The following DPH6 variants were observed in gnomAD, a reference collection of about 807,000 sequenced individuals.
DPH6 encodes the protein diphthine--ammonia ligase.
Under a neutral mutation model 38.2 loss-of-function variants are expected in DPH6, and 33 were observed. The observed-to-expected ratio is 0.86, with a 90% CI of 0.65 to 1.15. The LOEUF (loss-of-function observed/expected upper bound fraction) is 1.15. Among genes scored for constraint, DPH6 ranks in the 50% most tolerant of loss-of-function variants. The probability of loss-of-function intolerance (pLI) is 0.00; values close to 1 mark genes in which losing one functional copy is unlikely to be tolerated. For synonymous variants in DPH6, 108 were observed against 103.0 expected (o/e 1.05, Z -0.30); for missense variants, 325 against 320.0 (o/e 1.02, Z -0.12).
At chr15:35,322,316 T>C (rs2052247598) in intron 3 of DPH6, among the ~76,000 whole-genome samples, 1 of 152,152 alleles carries the variant, frequency 6.6e-6, no homozygotes, top group Non-Finnish European at 1.5e-5. Context: ...TTTTGGACTC[T>C]AAGCAAGGGG....
At chr15:35,231,177 G>A (rs167615) in intron 3 of DPH6, among the ~76,000 whole-genome samples, 144,223 of 152,338 alleles carry the variant, frequency 0.95, 68,417 homozygotes, top group East Asian at 1. Flanking sequence ...GCAGGAATTG[G>A]AGTTCCCATC....
At chr15:35,498,605 G>GATGGGA (rs1162865967) in intron 3 of DPH6, among the ~76,000 whole-genome samples, 1 of 152,104 alleles carries the variant, frequency 6.6e-6, no homozygotes, top group African/African-American at 2.4e-5. Context: ...CGTCCTTGTT[G>GATGGGA]ATGGGAATGG....
intron 6 of DPH6, among the ~76,000 whole-genome samples, chr15:35,388,607 A>C (rs1021135524): frequency 3.3e-5 from 5 of 152,202 alleles, no homozygotes; most frequent in African/African-American, 1.2e-4. Flanking sequence ...CATTTCTTCT[A>C]GATTTTCTAG....
Position 35,473,462 on chromosome 15 carries a change from TCTC to T in DPH6, c.313-18645_313-18643del, listed in dbSNP as rs1212290547. Among the ~76,000 whole-genome samples, 3 of 134,048 alleles carry T rather than the reference TCTC, an allele frequency of 2.2e-5. No individual in the cohort carries two copies. The East Asian group carries it at 6.8e-4, about 30-fold the overall frequency. The allele number at this position is 134,048 out of a possible 152,430, so 87.9% of individuals were successfully genotyped here. On this transcript the variant is annotated intron_variant, in intron 3 of 8. Coordinates refer to ENST00000256538, the MANE Select transcript of DPH6 (RefSeq NM_080650.4). ...TATGTTAAAACCTATCCAGCTTCAT[TCTC>T]CTCTTCAAAAAACTGCCCAATTATC...
chr15:35,168,724 G>A, the DPH6 span, among the ~76,000 whole-genome samples: 106,021 of 151,896 alleles, frequency 0.7, 37,669 homozygotes, highest in Middle Eastern at 0.78. Context: ...ATATGAGACC[G>A]TGGAATGTCA....
At chr15:35,198,469 T>G in the DPH6 span, among the ~76,000 whole-genome samples, 2 of 152,232 alleles carry the variant, frequency 1.3e-5, no homozygotes, top group East Asian at 3.9e-4. Flanking sequence ...GGTGGAATCC[T>G]TGCTTAAAGG....
intron 4 of DPH6, among the ~76,000 whole-genome samples, chr15:35,451,871 A>G (rs113392717): frequency 0.13 from 19,925 of 152,128 alleles, 1,474 homozygotes; most frequent in Middle Eastern, 0.2. Context: ...TTAGCCAGGC[A>G]TGGTGGCGGG....
intron 5 of DPH6, 24 bp downstream of exon 5, chr15:35,450,661 T>C: frequency 6.3e-7 from 1 of 1,579,740 alleles, no homozygotes; most frequent in Non-Finnish European, 8.7e-7. Flanking sequence ...AACAAACAGC[T>C]CCCTTGATAG....
At chr15:35,545,979 C>T in intron 1 of DPH6, 140 bp downstream of exon 1, 1 of 785,574 alleles carries the variant, frequency 1.3e-6, no homozygotes, top group Non-Finnish European at 1.7e-6. Context: ...AAGGCTCCGC[C>T]TCTTCCTGTG....
intron 2 of DPH6, among the ~76,000 whole-genome samples, chr15:35,539,418 T>C (rs1433034586): frequency 6.6e-6 from 1 of 151,948 alleles, no homozygotes; most frequent in Non-Finnish European, 1.5e-5. Context: ...GATAAAAAGA[T>C]TTAAGGTTAA....
intron 3 of DPH6, among the ~76,000 whole-genome samples, chr15:35,475,094 G>C (rs2141135734): frequency 6.6e-6 from 1 of 151,934 alleles, no homozygotes; most frequent in East Asian, 1.9e-4. Context: ...ACCTAGTAAA[G>C]TATATTTAAT....
At chr15:35,450,632 C>T in intron 5 of DPH6, 53 bp downstream of exon 5, 1 of 1,392,566 alleles carries the variant, frequency 7.2e-7, no homozygotes, top group Non-Finnish European at 1.0e-6. Context: ...TATTAGTGAA[C>T]TGAGATCATC....
At chr15:35,242,270 C>G (rs1463542765) in intron 3 of DPH6, among the ~76,000 whole-genome samples, 1 of 143,084 alleles carries the variant, frequency 7.0e-6, no homozygotes, top group Non-Finnish European at 1.5e-5. Flanking sequence ...TCTCCCAAAC[C>G]TCAATCCCTT....
chr15:35,229,037 G>T (rs7166068), intron 3 of DPH6, among the ~76,000 whole-genome samples: 1 of 152,062 alleles, frequency 6.6e-6, no homozygotes, highest in East Asian at 1.9e-4. Context: ...TCTTCCTTGG[G>T]TTAAATCTTC....
At position 35,450,723 on chromosome 15, in the gene DPH6, G is replaced by C; in HGVS notation, c.467C>G (p.Ser156Cys). The change falls in exon 5 of 9, where the codon TCT (serine) becomes TGT (cysteine). Residue 156 changes from serine to cysteine, a missense_variant. Physicochemically the swap from Ser to Cys is moderately radical, Grantham distance 112. Coordinates refer to ENST00000256538, the MANE Select transcript of DPH6 (RefSeq NM_080650.4). Reference protein sequence around the residue: ...QEDLLREMISSNIQAMIIKVA... With the variant: ...QEDLLREMISCNIQAMIIKVA... The stretch of plus-strand genomic sequence containing the variant: ...TTTGATGATCATTGCTTGAATGTTA[G>C]ATGATATCATCTCTCTGAGCAAATC... 2 of 1,613,220 alleles carry C rather than the reference G, an allele frequency of 1.2e-6. No individual in the cohort carries two copies. The highest frequency in any genetic ancestry group is 1.7e-6 in the Non-Finnish European group (2 of 1,179,622).
the DPH6 span, among the ~76,000 whole-genome samples, chr15:35,172,017 G>A: frequency 2.0e-5 from 3 of 151,894 alleles, no homozygotes; most frequent in Non-Finnish European, 4.4e-5. Context: ...ACAGGCACAT[G>A]CCACCACACC....
chr15:35,289,055 C>A (rs2051962139), intron 3 of DPH6, among the ~76,000 whole-genome samples: 1 of 152,140 alleles, frequency 6.6e-6, no homozygotes, highest in South Asian at 2.1e-4. Context: ...TACCTGTATT[C>A]ATTTCTACTT....
chr15:35,181,494 T>A, the DPH6 span, among the ~76,000 whole-genome samples: 1 of 148,626 alleles, frequency 6.7e-6, no homozygotes, highest in Non-Finnish European at 1.5e-5. Context: ...AAAAAAAAAA[T>A]TATCTTTTAA....
In DPH6 at chr15:35,427,326, C is replaced by T. The variant is rs796855581; in HGVS notation, c.506-16430G>A. ...ATTCCACAGCAATAAATCACCATGG[C>T]CAGATGGTATTCAACTGAGAGTTTC... is the stretch of plus-strand genomic sequence containing the variant. On this transcript the variant is annotated intron_variant, in intron 5 of 8. Transcript: ENST00000256538. 2.0e-4 allele frequency among the ~76,000 whole-genome samples: 31 copies of T among 151,896 alleles called. 1 individual carries two copies. Among genetic ancestry groups the T allele is most frequent in the African/African-American group, 7.2e-4 (30 of 41,486 alleles).
Sources: gnomAD v4.1 joint callset for allele counts (sites outside exome capture counted in the v4.1 genomes callset) on GRCh38, gnomAD v4.1.1 for gene constraint, MANE v1.5 for transcripts, NCBI Gene and HGNC (gene_info 2026-07-23, HGNC 2026-07-21) for gene names.